The following GABPB1 variants were observed in gnomAD, a reference collection of about 807,000 sequenced individuals.
GABPB1 encodes GA binding protein transcription factor subunit beta 1, also known as GA-binding protein subunit beta-1.
In GABPB1, 15 loss-of-function variants were observed where a neutral mutation model predicts 45.9. The observed-to-expected ratio is 0.33, with a 90% confidence interval of 0.22 to 0.50. GABPB1 has a LOEUF of 0.50. GABPB1 is among the 20% of genes least tolerant of loss of function. GABPB1 has a pLI of 0.98. For synonymous variants in GABPB1, 143 were observed against 154.4 expected (o/e 0.93, Z 0.55); for missense variants, 252 against 457.5 (o/e 0.55, Z 4.10).
chr15:50,310,100 A>T (rs1595778485), intron 1 of GABPB1, among the ~76,000 whole-genome samples: 1 of 152,020 alleles, frequency 6.6e-6, no homozygotes, highest in Non-Finnish European at 1.5e-5. Flanking sequence ...TTATTTATTT[A>T]TTTTTTTCTT....
intron 1 of GABPB1, among the ~76,000 whole-genome samples, chr15:50,334,470 T>A (rs2048047908): frequency 6.6e-6 from 1 of 151,956 alleles, no homozygotes; most frequent in Admixed American, 6.6e-5. Context: ...ATCATTAAGT[T>A]TTTAATTCAG....
chr15:50,345,775 G>A (rs371736770), intron 1 of GABPB1, among the ~76,000 whole-genome samples: 8 of 151,572 alleles, frequency 5.3e-5, no homozygotes, highest in South Asian at 2.1e-4. Flanking sequence ...GCAGTGGTGC[G>A]ATCTCGGCTC....
chr15:50,304,531 T>G (rs1318505927), intron 2 of GABPB1, among the ~76,000 whole-genome samples: 1 of 152,068 alleles, frequency 6.6e-6, no homozygotes, highest in African/African-American at 2.4e-5. Context: ...GCCAACATGG[T>G]GAAACCCCAT....
intron 1 of GABPB1, among the ~76,000 whole-genome samples, chr15:50,322,764 T>G (rs2047619088): frequency 6.6e-6 from 1 of 152,180 alleles, no homozygotes; most frequent in Non-Finnish European, 1.5e-5. Flanking sequence ...CGGTGGCTCA[T>G]GCCTGTAATT....
At chr15:50,288,585 T>C (rs1232135595) in intron 7 of GABPB1, among the ~76,000 whole-genome samples, 1 of 152,188 alleles carries the variant, frequency 6.6e-6, no homozygotes, top group African/African-American at 2.4e-5. Context: ...GATGCACCAG[T>C]GTGGATTTCT....
intron 8 of GABPB1, among the ~76,000 whole-genome samples, chr15:50,281,401 C>A (rs7179935): frequency 0.013 from 1,944 of 152,008 alleles, 20 homozygotes; most frequent in African/African-American, 0.027. Context: ...TTAGTAGAGA[C>A]GGGGTTTCAC....
chr15:50,313,649 T>C (rs2047206448), intron 1 of GABPB1, among the ~76,000 whole-genome samples: 1 of 152,108 alleles, frequency 6.6e-6, no homozygotes, highest in African/African-American at 2.4e-5. Context: ...AATGCAGTAA[T>C]TTAACCTAAT....
chr15:50,289,764 T>C, intron 6 of GABPB1, 96 bp from the exon 7 acceptor site: 1 of 842,686 alleles, frequency 1.2e-6, no homozygotes, highest in Non-Finnish European at 1.8e-6. Flanking sequence ...TCTATGCTTC[T>C]TTCTTTTCTT....
At chr15:50,347,102 T>A (rs2048619049) in intron 1 of GABPB1, among the ~76,000 whole-genome samples, 1 of 151,972 alleles carries the variant, frequency 6.6e-6, no homozygotes, top group Non-Finnish European at 1.5e-5. Context: ...GTCTCTTTTT[T>A]AAGAGCACTA....
intron 1 of GABPB1, among the ~76,000 whole-genome samples, chr15:50,331,219 C>T (rs2047936818): frequency 1.3e-5 from 2 of 152,174 alleles, no homozygotes; most frequent in Non-Finnish European, 1.5e-5. Flanking sequence ...GGCAAGGGTA[C>T]AGTCATATGA....
intron 1 of GABPB1, among the ~76,000 whole-genome samples, chr15:50,327,903 A>G (rs559240182): frequency 2.6e-4 from 39 of 149,278 alleles, no homozygotes; most frequent in African/African-American, 9.3e-4. Flanking sequence ...ATCTCAAAAG[A>G]AAAAAAAAAG....
At chr15:50,285,888 T>C in intron 8 of GABPB1, 180 bp downstream of exon 8, 1 of 1,362,656 alleles carries the variant, frequency 7.3e-7, no homozygotes, top group East Asian at 2.7e-5. Flanking sequence ...CATTCATTCA[T>C]TCAATATTTA....
Position 50,301,257 on chromosome 15 carries a change from C to G in GABPB1, c.583G>C (p.Asp195His). Reference protein sequence around the residue: ...IGPGGVVNLTDETGVSAVQFG... With the variant: ...IGPGGVVNLTHETGVSAVQFG... Reference sequence around the variant, plus strand: ...GATGAATTTTCTGAAGATACCAGACCTGTTAGGTTCACCACCCCTCCAGGT... The same window carrying G: ...GATGAATTTTCTGAAGATACCAGACGTGTTAGGTTCACCACCCCTCCAGGT... Residue 195 changes from aspartate (D) to histidine (H), a missense_variant and splice_region_variant, in exon 5 of 9, where the codon GAT becomes CAT. Transcript: ENST00000380877. 6.2e-7 allele frequency: 1 copy of G among 1,614,048 alleles called. No homozygotes were observed. The highest frequency in any genetic ancestry group is 8.5e-7 in the Non-Finnish European group (1 of 1,179,970).
intron 1 of GABPB1, among the ~76,000 whole-genome samples, chr15:50,343,744 G>A (rs547896271): frequency 2.6e-4 from 39 of 151,572 alleles, no homozygotes; most frequent in African/African-American, 8.2e-4. Context: ...TCACCATGTC[G>A]GCCAGGATGG....
At chr15:50,343,383 C>A (rs546058039) in intron 1 of GABPB1, among the ~76,000 whole-genome samples, 5 of 152,156 alleles carry the variant, frequency 3.3e-5, no homozygotes, top group African/African-American at 9.7e-5. Flanking sequence ...TTGAACAAGG[C>A]AAATGTGTTC....
intron 2 of GABPB1, among the ~76,000 whole-genome samples, chr15:50,306,872 A>G (rs1426350978): frequency 6.6e-6 from 1 of 151,986 alleles, no homozygotes; most frequent in Admixed American, 6.6e-5. Flanking sequence ...GAGATTCACC[A>G]TGTTAATAAC....
chr15:50,326,738 G>C (rs928647492), intron 1 of GABPB1, among the ~76,000 whole-genome samples: 4 of 152,098 alleles, frequency 2.6e-5, no homozygotes, highest in Admixed American at 2.6e-4. Context: ...GGACGCTGAG[G>C]TGGGAGGACT....
intron 1 of GABPB1, chr15:50,354,755 A>T (rs2049027736): frequency 1.1e-5 from 3 of 283,852 alleles, no homozygotes; most frequent in South Asian, 8.0e-5. Flanking sequence ...TCCCAGAAGC[A>T]GTGTGCCCAG....
intron 8 of GABPB1, among the ~76,000 whole-genome samples, chr15:50,283,615 A>T (rs113507320): frequency 6.6e-6 from 1 of 151,554 alleles, no homozygotes; most frequent in Non-Finnish European, 1.5e-5. Context: ...GGTTCAAGCA[A>T]CTCTCCTGCC....
Sources: allele counts gnomAD v4.1 joint callset (sites outside exome capture counted in the v4.1 genomes callset), GRCh38; gene constraint gnomAD v4.1.1; transcripts MANE v1.5; gene names NCBI Gene and HGNC (gene_info 2026-07-23, HGNC 2026-07-21).